Variants in EIF4G3 observed in about 807,000 individuals in gnomAD.
The protein encoded by EIF4G3 is eukaryotic translation initiation factor 4 gamma 3.
Under a neutral mutation model 186.4 loss-of-function variants are expected in EIF4G3, and 34 were observed. The ratio of observed to expected loss-of-function variants is 0.18; its 90% CI spans 0.14 to 0.24. EIF4G3 has a LOEUF of 0.24. EIF4G3 is among the 10% of genes least tolerant of loss of function. The probability of loss-of-function intolerance (pLI) is 1.00; values close to 1 mark genes in which losing one functional copy is unlikely to be tolerated. For missense variants in EIF4G3, 1,536 were observed against 1,948.5 expected (o/e 0.79, Z 3.99); for synonymous variants, 673 against 679.5 (o/e 0.99, Z 0.15).
At chr1:21,079,706 CAT>C (rs1234571225) in intron 3 of EIF4G3, among the ~76,000 whole-genome samples, 21 of 150,812 alleles carry the variant, frequency 1.4e-4, no homozygotes, top group Non-Finnish European at 1.5e-5. Flanking sequence ...AAAAAAAACT[CAT>C]GAAATTTTAT....
chr1:20,862,201 C>A, intron 23 of EIF4G3, 27 bp downstream of exon 23: 1 of 1,371,386 alleles, frequency 7.3e-7, no homozygotes. Context: ...GACCAGCAGG[C>A]TTATTATTAT....
chr1:21,069,107 C>T (rs2095362608), intron 3 of EIF4G3, among the ~76,000 whole-genome samples: 1 of 152,180 alleles, frequency 6.6e-6, no homozygotes, highest in Non-Finnish European at 1.5e-5. Context: ...GCTCATTACA[C>T]TATGTAGCTG....
chr1:21,035,289 G>C (rs909206046), intron 4 of EIF4G3, among the ~76,000 whole-genome samples: 1 of 152,222 alleles, frequency 6.6e-6, no homozygotes, highest in Non-Finnish European at 1.5e-5. Flanking sequence ...CACAGAGAAG[G>C]AGCACAGCTA....
intron 7 of EIF4G3, among the ~76,000 whole-genome samples, chr1:20,997,005 A>T (rs1467726294): frequency 6.6e-6 from 1 of 152,198 alleles, no homozygotes; most frequent in East Asian, 1.9e-4. Context: ...CATTTAAAAA[A>T]TTAAAATTAT....
In EIF4G3 at chr1:21,050,901, G is replaced by A. The variant is rs1474740041; in HGVS notation, c.-102C>T. On this transcript the variant is annotated 5_prime_UTR_variant, in exon 4 of 37. Coordinates refer to ENST00000602326, the MANE Select transcript of EIF4G3 (RefSeq NM_001391906.1). Reference sequence around the variant, plus strand: ...CCAGGGGACGATGCATGTCCCGGGGGCGTTGCCGCAAGATTTGGATGCCCC... The same window carrying A: ...CCAGGGGACGATGCATGTCCCGGGGACGTTGCCGCAAGATTTGGATGCCCC... 1.4e-6 allele frequency: 1 copy of A among 713,940 alleles called. No individual in the cohort carries two copies. The highest frequency in any genetic ancestry group is 2.3e-4 in the Middle Eastern group (1 of 4,366). The allele number at this position is 713,940 out of a possible 1,614,324, so 44.2% of individuals were successfully genotyped here.
At chr1:21,140,091 T>A (rs1413871113) in intron 2 of EIF4G3, among the ~76,000 whole-genome samples, 3 of 152,214 alleles carry the variant, frequency 2.0e-5, no homozygotes, top group Non-Finnish European at 2.9e-5. Flanking sequence ...TTCTCCAGAT[T>A]TGGTTGAGGC....
At chr1:20,975,386 C>CAA (rs78713799) in intron 10 of EIF4G3, among the ~76,000 whole-genome samples, 3 of 127,734 alleles carry the variant, frequency 2.3e-5, no homozygotes, top group Admixed American at 1.6e-4. Flanking sequence ...AAACAAAAAA[C>CAA]AAAAAAAAAA....
chr1:21,136,750 A>G (rs377023235), intron 2 of EIF4G3, among the ~76,000 whole-genome samples: 2 of 152,120 alleles, frequency 1.3e-5, no homozygotes, highest in East Asian at 3.9e-4. Flanking sequence ...TTTCCCTTGC[A>G]CCTCAAATCT....
chr1:20,835,479 C>A (rs900315242), intron 30 of EIF4G3, among the ~76,000 whole-genome samples: 4 of 151,842 alleles, frequency 2.6e-5, no homozygotes, highest in South Asian at 4.2e-4. Flanking sequence ...ATCAAGAAAC[C>A]CTTATCTAGA....
At chr1:20,900,857 T>C (rs189843419) in intron 15 of EIF4G3, among the ~76,000 whole-genome samples, 4 of 152,212 alleles carry the variant, frequency 2.6e-5, no homozygotes, top group Admixed American at 1.3e-4. Flanking sequence ...GTGTCATATA[T>C]AGCAGAAAAA....
chr1:20,995,983 C>T (rs952589571), intron 7 of EIF4G3, among the ~76,000 whole-genome samples: 3 of 152,174 alleles, frequency 2.0e-5, no homozygotes, highest in African/African-American at 4.8e-5. Context: ...AGATCCCCAA[C>T]GTCTCTCTCT....
chr1:21,088,408 A>C (rs1452535939), intron 3 of EIF4G3, among the ~76,000 whole-genome samples: 1 of 145,768 alleles, frequency 6.9e-6, no homozygotes, highest in African/African-American at 2.5e-5. Flanking sequence ...AACAAGAGCA[A>C]AACTCCATCT....
At chr1:20,849,391 T>C (rs766464180) in intron 29 of EIF4G3, 24 bp downstream of exon 29, 1 of 1,270,844 alleles carries the variant, frequency 7.9e-7, no homozygotes, top group African/African-American at 1.5e-5. Context: ...ACTGTGTGTG[T>C]GTTTTTTTTT....
rs1199744742 is a variant in EIF4G3, at chr1:21,050,959, G to A, written c.-160C>T. The A allele has an allele frequency of 2.8e-6, 2 of 717,288 alleles. No individual in the cohort carries two copies. The highest frequency in any genetic ancestry group is 1.5e-5 in the South Asian group (1 of 67,578). The allele number at this position is 717,288 out of a possible 1,614,324, so 44.4% of individuals were successfully genotyped here. ...TTTCATGTGCTGAATAAGGGGATGG[G>A]GTAGGGGTTCCCGGCTGTCTTGCCA... On this transcript the variant is annotated 5_prime_UTR_variant, in exon 4 of 37. Transcript: ENST00000602326.
chr1:21,168,407 T>G lies in EIF4G3; in HGVS notation c.-272+7768A>C, dbSNP rs577530219. On this transcript the variant is annotated intron_variant, in intron 2 of 36. Transcript: ENST00000602326. ...TGACAGAGCGAGGCTCCGTCTCAAT[T>G]TTTTAAAAAAAAAAAGTATCTCTTT... Among the ~76,000 whole-genome samples the G allele has an allele frequency of 5.6e-3, 834 of 148,130 alleles. 8 individuals carry two copies. Among genetic ancestry groups the G allele is most frequent in the African/African-American group, 0.021 (803 of 38,506 alleles).
chr1:20,946,620 G>C (rs148745977), intron 13 of EIF4G3, among the ~76,000 whole-genome samples: 2 of 152,266 alleles, frequency 1.3e-5, no homozygotes, highest in East Asian at 3.9e-4. Flanking sequence ...GCCAGGAACT[G>C]GGTCAAATAC....
At chr1:20,999,261 TG>T in intron 6 of EIF4G3, 1 of 299,918 alleles carries the variant, frequency 3.3e-6, no homozygotes, top group South Asian at 2.9e-5. Context: ...TGATGATAAC[TG>T]GCAGTTACAG....
chr1:20,986,527 G>T (rs2079504210), intron 7 of EIF4G3, among the ~76,000 whole-genome samples: 1 of 151,854 alleles, frequency 6.6e-6, no homozygotes. Flanking sequence ...CAAACTACAG[G>T]ATCATTAGAA....
intron 2 of EIF4G3, among the ~76,000 whole-genome samples, chr1:21,164,900 T>C (rs1477998812): frequency 1.3e-5 from 2 of 152,058 alleles, no homozygotes; most frequent in Non-Finnish European, 2.9e-5. Flanking sequence ...AGAAAATACT[T>C]GCAACTCCTG....
Sources: allele counts gnomAD v4.1 joint callset (sites outside exome capture counted in the v4.1 genomes callset), GRCh38; gene constraint gnomAD v4.1.1; transcripts MANE v1.5; gene names NCBI Gene and HGNC (gene_info 2026-07-23, HGNC 2026-07-21).